Variants in MYH3 observed in about 807,000 individuals in gnomAD.
MYH3 encodes myosin-3.
In MYH3, 130 loss-of-function variants were observed where a neutral mutation model predicts 238.0. The observed-to-expected ratio is 0.55, with a 90% confidence interval of 0.47 to 0.63. MYH3 has a LOEUF of 0.63. Ranked by LOEUF, MYH3 falls within the 30% of genes least tolerant of loss-of-function variation. MYH3 has a pLI of 0.00. For missense variants in MYH3, 1,853 were observed against 2,374.9 expected, an observed-to-expected ratio of 0.78 and a Z score of 4.57; for synonymous variants, 880 against 924.1, an observed-to-expected ratio of 0.95 and a Z score of 0.86.
rs1470093619 is a variant in MYH3 at position 10,641,083 on chromosome 17, A to G, written c.2165+2T>C. ...AGCATATAGAACATGTTTATTACAC[A>G]CCTTTGTTTAAAATCGCCATAGAGA... is the stretch of plus-strand genomic sequence containing the variant. On this transcript the variant is annotated splice_donor_variant, in intron 19 of 40. Coordinates refer to ENST00000583535, the MANE Select transcript of MYH3 (RefSeq NM_002470.4). LOFTEE classifies it high-confidence loss of function. 1.3e-6 allele frequency: 2 copies of G among 1,582,838 alleles called. No individual in the cohort carries two copies. The highest frequency in any genetic ancestry group is 1.7e-6 in the Non-Finnish European group (2 of 1,152,702).
intron 40 of MYH3, 42 bp downstream of exon 40, chr17:10,629,555 T>C (rs2074130700): frequency 1.2e-6 from 2 of 1,610,968 alleles, no homozygotes; most frequent in Non-Finnish European, 8.5e-7. Flanking sequence ...AAGAAGTTTC[T>C]ACAGTCCCTG....
Position 10,639,734 on chromosome 17 carries a change from C to T in MYH3, c.2751G>A (p.Glu917=), listed in dbSNP as rs575887424. 28 of 1,613,962 alleles carry T rather than the reference C, an allele frequency of 1.7e-5. No homozygotes were observed. In the South Asian group the frequency reaches 2.9e-4, roughly 16 times the overall value. Residue 917 remains glutamate, a synonymous_variant, in exon 23 of 41, where the codon GAG becomes GAA. Coordinates refer to ENST00000583535, the MANE Select transcript of MYH3 (RefSeq NM_002470.4). ...DQLIKAKFQL[E]AKIKEVTERA... is the part of the protein sequence containing the mutation. ...TCTCTGTCACCTCCTTGATCTTGGC[C>T]TCGAGCTGGAATTTGGCTTTGATCA...
At chr17:10,670,268 A>G in the MYH3 span, among the ~76,000 whole-genome samples, 1 of 152,188 alleles carries the variant, frequency 6.6e-6, no homozygotes, top group Non-Finnish European at 1.5e-5. This position sits in a 1 kb window ranked among gnomAD's most constrained non-coding sequence, Gnocchi z 7.0. Flanking sequence ...TTTTACCCAC[A>G]ACCCCTGCAG....
intron 1 of MYH3, among the ~76,000 whole-genome samples, chr17:10,656,822 C>G (rs1024947061): frequency 6.6e-6 from 1 of 152,156 alleles, no homozygotes; most frequent in African/African-American, 2.4e-5. Flanking sequence ...TTAATTTACA[C>G]GCAATGCCCA....
chr17:10,657,779 AACC>A (rs2074448481), upstream of MYH3, among the ~76,000 whole-genome samples: 1 of 152,216 alleles, frequency 6.6e-6, no homozygotes, highest in African/African-American at 2.4e-5. Flanking sequence ...ATTTTATCAC[AACC>A]TTGGGTTGTG....
chr17:10,674,867 G>C, the MYH3 span: 1 of 152,324 alleles, frequency 6.6e-6, no homozygotes, highest in Non-Finnish European at 1.5e-5. Flanking sequence ...GAATACTTCA[G>C]ATGGCTCAAA....
the MYH3 span, chr17:10,675,255 T>G: frequency 2.0e-5 from 3 of 152,588 alleles, no homozygotes; most frequent in Non-Finnish European, 4.4e-5. Context: ...ATCTGCCTCC[T>G]GCTGTTGCTG....
At chr17:10,656,353 C>G (rs1183288334) in intron 1 of MYH3, among the ~76,000 whole-genome samples, 1 of 152,120 alleles carries the variant, frequency 6.6e-6, no homozygotes, top group Admixed American at 6.6e-5. Flanking sequence ...TAGTGAAACC[C>G]CTTCTCTACT....
chr17:10,675,841 G>A, the MYH3 span: 2 of 152,146 alleles, frequency 1.3e-5, no homozygotes, highest in Non-Finnish European at 2.9e-5. Flanking sequence ...GAGGCTTGGC[G>A]GGGAGGGTTG....
rs745429892 is a variant in MYH3, at chr17:10,628,656, C to A, written c.5820G>T (p.Glu1940Asp). Reference sequence around the variant, plus strand: ...GTCCTGCTCCAGAAGGGCTGGCTCACTCTTCACTCTCGTGGACCACCATCT... The same window carrying A: ...GTCCTGCTCCAGAAGGGCTGGCTCAATCTTCACTCTCGTGGACCACCATCT... Reference protein sequence around the residue: ...SSRMVVHESEE With the variant: ...SSRMVVHESED The change falls in exon 41 of 41, where the codon GAG (glutamate) becomes GAT (aspartate). Residue 1940 changes from glutamate to aspartate, a missense_variant. Glu to Asp is a conservative substitution (Grantham distance 45, BLOSUM62 2). This residue lies in a region of MYH3 where 1,044 missense variants were observed against 1,192.6 expected (regional missense o/e 0.88). Coordinates refer to ENST00000583535, the MANE Select transcript of MYH3 (RefSeq NM_002470.4). 1.9e-6 allele frequency: 3 copies of A among 1,614,184 alleles called. No individual in the cohort carries two copies. Among genetic ancestry groups the A allele is most frequent in the Non-Finnish European group, 2.5e-6 (3 of 1,180,024 alleles).
chr17:10,632,079 G>A lies in MYH3; in HGVS notation c.4957-63C>T, dbSNP rs1178049614. Reference sequence around the variant, plus strand: ...GGCGTTAGGACCACGAGCCTCATCTGCATCTCTGAGTTTTGTTTGTTTGTT... The same window carrying A: ...GGCGTTAGGACCACGAGCCTCATCTACATCTCTGAGTTTTGTTTGTTTGTT... On this transcript the variant is annotated intron_variant, in intron 34 of 40. Coordinates refer to ENST00000583535, the MANE Select transcript of MYH3 (RefSeq NM_002470.4). 20 of 1,548,980 alleles carry A rather than the reference G, an allele frequency of 1.3e-5. No individual in the cohort carries two copies. The Admixed American group carries it at 1.7e-4, about 13-fold the overall frequency.
At chr17:10,643,930 C>A (rs1204198711) in intron 14 of MYH3, among the ~76,000 whole-genome samples, 2 of 152,146 alleles carry the variant, frequency 1.3e-5, no homozygotes, top group African/African-American at 2.4e-5. Context: ...GAGGCCGAGG[C>A]GGATGGATCA....
At chr17:10,656,872 T>C (rs970805257) in intron 1 of MYH3, among the ~76,000 whole-genome samples, 1 of 152,166 alleles carries the variant, frequency 6.6e-6, no homozygotes, top group Non-Finnish European at 1.5e-5. Flanking sequence ...ACCTGGCAGA[T>C]GTACAGCCCA....
chr17:10,641,071 T>C lies in MYH3; in HGVS notation c.2165+14A>G, dbSNP rs1393500565. 7 of 1,548,530 alleles carry C rather than the reference T, an allele frequency of 4.5e-6. No homozygotes were observed. The highest frequency in any genetic ancestry group is 2.7e-5 in the African/African-American group (2 of 73,804). On this transcript the variant is annotated intron_variant, in intron 19 of 40. Coordinates refer to ENST00000583535, the MANE Select transcript of MYH3 (RefSeq NM_002470.4). ...ATCTCATCCCCAAGCATATAGAACA[T>C]GTTTATTACACACCTTTGTTTAAAA...
At position 10,639,156 on chromosome 17, in the gene MYH3, G is replaced by A. The variant is rs748108904; in HGVS notation, c.3136C>T (p.Arg1046Ter). Residue 1046 changes from arginine to a stop codon, truncating the protein, a stop_gained, in exon 25 of 41, where the codon CGA becomes TGA. Transcript: ENST00000583535. LOFTEE classifies it high-confidence loss of function. ...CTTTTGTTCCTTTCCAGGTCTACTC[G>A]GAGCTTCTTTTCTTGTTCTAGGGAG... Reference protein sequence around the residue: ...ESSLEQEKKLRVDLERNKRKL... With the variant: ...ESSLEQEKKL 9.3e-6 allele frequency: 15 copies of A among 1,613,934 alleles called. No individual in the cohort carries two copies. The highest frequency in any genetic ancestry group is 2.2e-5 in the South Asian group (2 of 91,072).
chr17:10,633,429 A>G (rs1026830498), intron 33 of MYH3, among the ~76,000 whole-genome samples, 162 bp downstream of exon 33: 5 of 152,212 alleles, frequency 3.3e-5, no homozygotes, highest in African/African-American at 1.2e-4. Flanking sequence ...ATTCACAGGT[A>G]TTATTCAGCC....
At position 10,641,341 on chromosome 17, in the gene MYH3, CTTAAA is replaced by C. The variant is rs771300756; in HGVS notation, c.1986_1990del (p.Asn662LysfsTer15). 1.2e-5 allele frequency: 19 copies of C among 1,612,336 alleles called. No individual in the cohort carries two copies. The highest frequency in any genetic ancestry group is 1.6e-5 in the Non-Finnish European group (19 of 1,179,068). On this transcript the variant is annotated frameshift_variant, in exon 18 of 41. Coordinates refer to ENST00000583535, the MANE Select transcript of MYH3 (RefSeq NM_002470.4). LOFTEE classifies it high-confidence loss of function. Reference sequence around the variant, plus strand: ...ACGCACAAAATGAGGGTGAGTAGTTCTTAAATTTGACATCAGCTTGTTCAGGTTTT... The same window carrying C: ...ACGCACAAAATGAGGGTGAGTAGTTCTTTGACATCAGCTTGTTCAGGTTTT...
chr17:10,655,110 C>T lies in MYH3; in HGVS notation c.-8-38G>A, dbSNP rs1293856712. The T allele has an allele frequency of 1.9e-6, 3 of 1,550,506 alleles. No individual in the cohort carries two copies. The South Asian group carries it at 3.3e-5, about 17-fold the overall frequency. Reference sequence around the variant, plus strand: ...CCCACCCGGTGAGCTCAGCAGCCCCCTTGCCAGGCACCCAGCAGCTCCAGG... The same window carrying T: ...CCCACCCGGTGAGCTCAGCAGCCCCTTTGCCAGGCACCCAGCAGCTCCAGG... On this transcript the variant is annotated intron_variant, in intron 2 of 40. Transcript: ENST00000583535.
At chr17:10,653,514 T>A (rs948690013) in intron 3 of MYH3, among the ~76,000 whole-genome samples, 5 of 152,080 alleles carry the variant, frequency 3.3e-5, no homozygotes, top group Non-Finnish European at 7.4e-5. Flanking sequence ...CAGAGTGTTA[T>A]AAGCCAGGCA....
Sources: gnomAD v4.1 joint callset for allele counts (sites outside exome capture counted in the v4.1 genomes callset) on GRCh38, gnomAD v4.1.1 for gene constraint, gnomAD v4.1.1 regional missense constraint, Gnocchi (gnomAD v3.1) non-coding constraint, MANE v1.5 for transcripts, NCBI Gene and HGNC (gene_info 2026-07-23, HGNC 2026-07-21) for gene names.